CADM2: variants seen among roughly 807,000 people sequenced by gnomAD.
CADM2 encodes the protein immunoglobulin superfamily member 4D.
A neutral mutation model predicts 49.8 loss-of-function variants in CADM2; 12 were observed. The observed-to-expected ratio is 0.24, with a 90% CI of 0.15 to 0.39. The LOEUF (loss-of-function observed/expected upper bound fraction) is 0.39. Among genes scored for constraint, CADM2 ranks in the 10% least tolerant of loss-of-function variants. CADM2 has a pLI of 1.00. For synonymous variants in CADM2, 214 were observed against 175.4 expected, an observed-to-expected ratio of 1.22 and a Z score of -1.74; for missense variants, 378 against 492.3, an observed-to-expected ratio of 0.77 and a Z score of 2.20.
At chr3:85,422,668 G>T (rs10433498) in intron 1 of CADM2, among the ~76,000 whole-genome samples, 1 of 151,810 alleles carries the variant, frequency 6.6e-6, no homozygotes, top group African/African-American at 2.4e-5. Context: ...AGATTTTTGC[G>T]TATATGTATA....
intron 1 of CADM2, among the ~76,000 whole-genome samples, chr3:85,635,489 TA>T (rs1364118484): frequency 2.0e-5 from 3 of 152,282 alleles, no homozygotes; most frequent in Admixed American, 2.0e-4. Flanking sequence ...TGTTGCACAC[TA>T]TAGAAATTTT....
chr3:85,999,690 A>G (rs1729924804), intron 8 of CADM2, among the ~76,000 whole-genome samples: 1 of 151,980 alleles, frequency 6.6e-6, no homozygotes, highest in Admixed American at 6.6e-5. Flanking sequence ...AAAGAAAAGA[A>G]AGAATGAAAG....
At position 85,847,805 on chromosome 3, in the gene CADM2, CT is replaced by C. The variant is rs2074943126; in HGVS notation, c.239-35485del. 2.0e-5 allele frequency among the ~76,000 whole-genome samples: 3 copies of C among 152,148 alleles called. No individual in the cohort carries two copies. In the South Asian group the frequency reaches 6.2e-4, roughly 32 times the overall value. Reference sequence around the variant, plus strand: ...TTTTAATTAATTTAGGGCTATAACTCTGAGGAAGGTAAAGTTTAGATTATCA... The same window carrying C: ...TTTTAATTAATTTAGGGCTATAACTCGAGGAAGGTAAAGTTTAGATTATCA... On this transcript the variant is annotated intron_variant, in intron 3 of 9. Coordinates refer to ENST00000383699, the MANE Select transcript of CADM2 (RefSeq NM_001167675.2).
At chr3:86,055,022 A>G (rs1016804812) in intron 8 of CADM2, among the ~76,000 whole-genome samples, 15 of 152,196 alleles carry the variant, frequency 9.9e-5, no homozygotes, top group African/African-American at 3.1e-4. Flanking sequence ...AGGAAGCAAC[A>G]GAATAAAAAG....
chr3:85,307,447 C>T (rs914426852), intron 1 of CADM2, among the ~76,000 whole-genome samples: 1 of 151,618 alleles, frequency 6.6e-6, no homozygotes, highest in Non-Finnish European at 1.5e-5. Flanking sequence ...TGGAATATAC[C>T]TTCTCATGCA....
chr3:85,726,302 A>G (rs1161587206), intron 1 of CADM2, among the ~76,000 whole-genome samples: 2 of 152,044 alleles, frequency 1.3e-5, no homozygotes, highest in African/African-American at 4.8e-5. Context: ...TGTGTAGTAC[A>G]TGGCTCCTGT....
intron 8 of CADM2, among the ~76,000 whole-genome samples, chr3:86,018,887 T>C (rs999744947): frequency 4.7e-5 from 7 of 150,530 alleles, no homozygotes; most frequent in African/African-American, 1.7e-4. Flanking sequence ...TTTAATTAGA[T>C]CACATTTGTC....
chr3:85,932,187 A>G (rs190665959), intron 6 of CADM2, among the ~76,000 whole-genome samples: 193 of 152,112 alleles, frequency 1.3e-3, no homozygotes, highest in African/African-American at 4.2e-3. Flanking sequence ...TTCATGGGTA[A>G]TTGATTATGG....
chr3:85,376,730 A>C (rs770085290), intron 1 of CADM2, among the ~76,000 whole-genome samples: 1 of 152,052 alleles, frequency 6.6e-6, no homozygotes, highest in African/African-American at 2.4e-5. Context: ...TTAAATATCA[A>C]AATTACAACT....
intron 6 of CADM2, 100 bp from the exon 7 acceptor site, chr3:85,935,667 A>T: frequency 4.0e-6 from 2 of 495,598 alleles, no homozygotes; most frequent in Non-Finnish European, 7.2e-6. Context: ...AATTATAAAT[A>T]ATATATAAGA....
chr3:85,170,557 C>A (rs946533034), intron 1 of CADM2, among the ~76,000 whole-genome samples: 2 of 152,086 alleles, frequency 1.3e-5, no homozygotes, highest in African/African-American at 4.8e-5. Context: ...AGGCTGGTCT[C>A]AAACTCCCAA....
chr3:85,470,086 TTGATTTACCTTCAGG>T (rs1209726906), intron 1 of CADM2, among the ~76,000 whole-genome samples: 1 of 152,164 alleles, frequency 6.6e-6, no homozygotes, highest in Admixed American at 6.5e-5. Flanking sequence ...CTATTTATAT[TTGATTTACCTTCAGG>T]TGTCCAATAA....
At chr3:85,118,332 C>T (rs75335006) in intron 1 of CADM2, among the ~76,000 whole-genome samples, 2,016 of 152,052 alleles carry the variant, frequency 0.013, 48 homozygotes, top group African/African-American at 0.046. Context: ...TCAATCTAAC[C>T]ATGTGTATTA....
At chr3:85,850,471 C>T (rs2075062066) in intron 3 of CADM2, among the ~76,000 whole-genome samples, 1 of 151,888 alleles carries the variant, frequency 6.6e-6, no homozygotes, top group Non-Finnish European at 1.5e-5. Flanking sequence ...ACTACAGGCG[C>T]CCGCCACCAC....
intron 1 of CADM2, among the ~76,000 whole-genome samples, chr3:85,323,149 G>A (rs757508043): frequency 4.6e-5 from 7 of 151,964 alleles, no homozygotes; most frequent in Non-Finnish European, 1.0e-4. Context: ...TAATTGTTGT[G>A]TTCATTTCCT....
At chr3:85,823,071 A>C in intron 3 of CADM2, among the ~76,000 whole-genome samples, 1 of 152,146 alleles carries the variant, frequency 6.6e-6, no homozygotes, top group Non-Finnish European at 1.5e-5. Context: ...CAACCTACAT[A>C]TTTAAAACTT....
At chr3:85,489,560 G>A (rs2039572896) in intron 1 of CADM2, among the ~76,000 whole-genome samples, 2 of 151,938 alleles carry the variant, frequency 1.3e-5, no homozygotes, top group South Asian at 2.1e-4. Context: ...GCTAGATGAC[G>A]AGTTAGTGGG....
At position 85,333,001 on chromosome 3, in the gene CADM2, A is replaced by G. The variant is rs113067241; in HGVS notation, c.61+373333A>G. Among the ~76,000 whole-genome samples the G allele has an allele frequency of 6.2e-3, 944 of 151,992 alleles. 8 individuals are homozygous for G. The highest frequency in any genetic ancestry group is 0.021 in the African/African-American group (856 of 41,544). ...TAAAATAAGTTTTGCTTCGTGTACAATAAGTTATTTGTAAACTTTAACTTT... is the reference window on the plus strand; with the variant it reads ...TAAAATAAGTTTTGCTTCGTGTACAGTAAGTTATTTGTAAACTTTAACTTT... On this transcript the variant is annotated intron_variant, in intron 1 of 9. Coordinates refer to ENST00000383699, the MANE Select transcript of CADM2 (RefSeq NM_001167675.2).
intron 2 of CADM2, among the ~76,000 whole-genome samples, chr3:85,771,730 T>C (rs2070097710): frequency 1.3e-5 from 2 of 152,032 alleles, no homozygotes; most frequent in African/African-American, 4.8e-5. Flanking sequence ...TTATGACACA[T>C]TGATAGAATT....
Sources: gnomAD v4.1 joint callset for allele counts (sites outside exome capture counted in the v4.1 genomes callset) on GRCh38, gnomAD v4.1.1 for gene constraint, MANE v1.5 for transcripts, NCBI Gene and HGNC (gene_info 2026-07-23, HGNC 2026-07-21) for gene names.